The following HNRNPM variants were observed in gnomAD, a reference collection of about 807,000 sequenced individuals.
HNRNPM encodes CEA receptor.
HNRNPM carries 11 observed loss-of-function variants against 73.1 expected under a neutral mutation model. The ratio of observed to expected loss-of-function variants is 0.15; its 90% CI spans 0.09 to 0.25. HNRNPM has a LOEUF of 0.25. Among genes scored for constraint, HNRNPM ranks in the 10% least tolerant of loss-of-function variants. The pLI is 1.00. For missense variants in HNRNPM, 789 were observed against 1,067.9 expected (o/e 0.74, Z 3.64); for synonymous variants, 407 against 355.2 (o/e 1.15, Z -1.64).
chr19:8,476,353 G>A (rs1970504518), intron 12 of HNRNPM, among the ~76,000 whole-genome samples: 1 of 152,118 alleles, frequency 6.6e-6, no homozygotes, highest in South Asian at 2.1e-4. Flanking sequence ...GCAGACGTTT[G>A]GGTTTAATGA....
intron 6 of HNRNPM, among the ~76,000 whole-genome samples, 180 bp downstream of exon 6, chr19:8,465,695 C>T (rs1226995678): frequency 6.6e-6 from 1 of 152,196 alleles, no homozygotes; most frequent in Non-Finnish European, 1.5e-5. Context: ...AAGTCACAGG[C>T]TTGACCGTGG....
At chr19:8,455,702 T>G in intron 2 of HNRNPM, 128 bp downstream of exon 2, 1 of 635,560 alleles carries the variant, frequency 1.6e-6, no homozygotes. Context: ...GGCTTAAGAG[T>G]GAAGCCCCCT....
At chr19:8,470,189 A>G (rs1156910032) in intron 9 of HNRNPM, among the ~76,000 whole-genome samples, 1 of 152,140 alleles carries the variant, frequency 6.6e-6, no homozygotes, top group Non-Finnish European at 1.5e-5. Context: ...GCTTTGGGAG[A>G]GTAAGTCACC....
chr19:8,456,134 C>G (rs1411158472), intron 2 of HNRNPM, among the ~76,000 whole-genome samples: 3 of 151,968 alleles, frequency 2.0e-5, no homozygotes, highest in Admixed American at 2.0e-4. Context: ...GTAGACTGGC[C>G]ATTGGAGAGC....
At chr19:8,485,210 TG>T (rs1337666309) in intron 13 of HNRNPM, among the ~76,000 whole-genome samples, 1 of 151,964 alleles carries the variant, frequency 6.6e-6, no homozygotes. Flanking sequence ...TTACCCTGGG[TG>T]GCCCCCCGAG....
intron 7 of HNRNPM, among the ~76,000 whole-genome samples, chr19:8,466,717 T>C (rs991838252): frequency 1.4e-5 from 2 of 147,292 alleles, no homozygotes; most frequent in African/African-American, 2.5e-5. Context: ...TCCCAGCTAC[T>C]CGGGAGGCTG....
chr19:8,485,504 ACC>A (rs1201430384), intron 13 of HNRNPM, 97 bp from the exon 14 acceptor site: 3 of 1,191,256 alleles, frequency 2.5e-6, no homozygotes, highest in Non-Finnish European at 2.4e-6. Flanking sequence ...GTGGGCCTTT[ACC>A]CCTGATCCAT....
At chr19:8,488,509 AG>A (rs1971478653) in intron 15 of HNRNPM, 181 bp from the exon 16 acceptor site, 3 of 502,910 alleles carry the variant, frequency 6.0e-6, no homozygotes, top group African/African-American at 5.7e-5. Context: ...TTCATGGGGC[AG>A]GGGCAGGCTC....
intron 12 of HNRNPM, among the ~76,000 whole-genome samples, chr19:8,481,172 T>G: frequency 6.6e-6 from 1 of 152,176 alleles, no homozygotes; most frequent in East Asian, 1.9e-4. Flanking sequence ...ACTTGCTGCT[T>G]CAAAAATTTG....
chr19:8,448,083 C>T (rs1396871351), intron 1 of HNRNPM, among the ~76,000 whole-genome samples: 1 of 152,184 alleles, frequency 6.6e-6, no homozygotes, highest in Non-Finnish European at 1.5e-5. Context: ...GGTTGGAGCA[C>T]TGGCAGCCAG....
At chr19:8,481,669 C>T (rs910317930) in intron 12 of HNRNPM, 8 of 152,174 alleles carry the variant, frequency 5.3e-5, no homozygotes, top group African/African-American at 1.9e-4. Context: ...CTCTTTTCCA[C>T]TTATTACTAG....
chr19:8,488,799 A>G lies in HNRNPM; in HGVS notation c.2138A>G (p.Asn713Ser). Residue 713 changes from asparagine to serine, a missense_variant, in exon 16 of 16, where the codon AAT (asparagine) becomes AGT (serine). Physicochemically the swap from Asn to Ser is conservative, Grantham distance 46. Coordinates refer to ENST00000325495, the MANE Select transcript of HNRNPM (RefSeq NM_005968.5). Reference protein sequence around the residue: ...EVAERACRMMNGMKLSGREID... With the variant: ...EVAERACRMMSGMKLSGREID... ...GCCGAGAGAGCCTGCCGGATGATGA[A>G]TGGCATGAAGCTGAGTGGCCGAGAG... 6.2e-7 allele frequency: 1 copy of G among 1,614,178 alleles called. No homozygotes were observed. Among genetic ancestry groups the G allele is most frequent in the Non-Finnish European group, 8.5e-7 (1 of 1,180,024 alleles).
chr19:8,448,783 C>T (rs1968406515), intron 1 of HNRNPM, among the ~76,000 whole-genome samples: 1 of 151,974 alleles, frequency 6.6e-6, no homozygotes, highest in African/African-American at 2.4e-5. Flanking sequence ...ACACCTGGCC[C>T]CTTCCTGAGT....
At chr19:8,464,248 TA>T (rs57019401) in intron 5 of HNRNPM, among the ~76,000 whole-genome samples, 144,475 of 152,066 alleles carry the variant, frequency 0.95, 69,070 homozygotes, top group East Asian at 1. Context: ...GTCTAAAAAA[TA>T]AAAAAATAAA....
At chr19:8,477,127 C>T (rs1258268215) in intron 12 of HNRNPM, among the ~76,000 whole-genome samples, 1 of 152,050 alleles carries the variant, frequency 6.6e-6, no homozygotes, top group Non-Finnish European at 1.5e-5. Context: ...ACCTATCTTA[C>T]CTGACATTTC....
At chr19:8,447,768 T>G (rs1017190352) in intron 1 of HNRNPM, among the ~76,000 whole-genome samples, 1 of 152,124 alleles carries the variant, frequency 6.6e-6, no homozygotes, top group Non-Finnish European at 1.5e-5. Context: ...GGCTCACGCC[T>G]GTAATCTCAG....
At chr19:8,475,794 G>A (rs1970458719) in intron 12 of HNRNPM, among the ~76,000 whole-genome samples, 1 of 152,166 alleles carries the variant, frequency 6.6e-6, no homozygotes, top group African/African-American at 2.4e-5. Context: ...TAGTCTGGGT[G>A]TGCTGGCTCA....
chr19:8,468,693 T>A (rs1211364140), intron 8 of HNRNPM, 81 bp from the exon 9 acceptor site: 6 of 1,031,470 alleles, frequency 5.8e-6, no homozygotes, highest in Non-Finnish European at 9.1e-6. Context: ...CCTCTCTTGA[T>A]GGGGGGCCAT....
At chr19:8,479,107 A>C (rs1970727143) in intron 12 of HNRNPM, among the ~76,000 whole-genome samples, 1 of 115,834 alleles carries the variant, frequency 8.6e-6, no homozygotes, top group East Asian at 2.4e-4. Flanking sequence ...TTTTTTCAAG[A>C]CAGAGTCTCG....
Sources: allele counts gnomAD v4.1 joint callset (sites outside exome capture counted in the v4.1 genomes callset), GRCh38; gene constraint gnomAD v4.1.1; transcripts MANE v1.5; gene names NCBI Gene and HGNC (gene_info 2026-07-23, HGNC 2026-07-21).